The following PPM1L variants were observed in gnomAD, a reference collection of about 807,000 sequenced individuals.
PPM1L encodes protein phosphatase 1L.
Under a neutral mutation model 31.4 loss-of-function variants are expected in PPM1L, and 13 were observed. The ratio of observed to expected loss-of-function variants is 0.41; its 90% CI spans 0.27 to 0.66. The LOEUF is 0.66. Among genes scored for constraint, PPM1L ranks in the 30% least tolerant of loss-of-function variants. The pLI is 0.29. For synonymous variants in PPM1L, 184 were observed against 175.4 expected (o/e 1.05, Z -0.39); for missense variants, 326 against 453.7 (o/e 0.72, Z 2.56).
intron 1 of PPM1L, among the ~76,000 whole-genome samples, chr3:160,822,068 A>G (rs572661983): frequency 6.6e-6 from 1 of 152,182 alleles, no homozygotes; most frequent in Non-Finnish European, 1.5e-5. Flanking sequence ...ATTAAAAAAG[A>G]TTTATAATGT....
chr3:160,971,118 A>C (rs1015652602), intron 2 of PPM1L, among the ~76,000 whole-genome samples: 2 of 152,144 alleles, frequency 1.3e-5, no homozygotes, highest in African/African-American at 4.8e-5. Context: ...ATAGAAAACT[A>C]TTGGCCATAG....
chr3:160,831,302 A>T (rs1004912141), intron 1 of PPM1L, among the ~76,000 whole-genome samples: 4 of 152,202 alleles, frequency 2.6e-5, no homozygotes, highest in Non-Finnish European at 5.9e-5. Context: ...GAAATTAGTG[A>T]TGAGTTGGGA....
intron 1 of PPM1L, among the ~76,000 whole-genome samples, chr3:160,907,166 T>C (rs749299564): frequency 3.9e-5 from 6 of 152,170 alleles, no homozygotes; most frequent in Non-Finnish European, 5.9e-5. Flanking sequence ...CAGAGCTCCC[T>C]GGAACATGGA....
intron 1 of PPM1L, among the ~76,000 whole-genome samples, chr3:160,787,867 A>G (rs1465546313): frequency 2.0e-5 from 3 of 152,080 alleles, no homozygotes; most frequent in Non-Finnish European, 4.4e-5. Flanking sequence ...TGAATAGGAA[A>G]ATTGAATTTT....
In PPM1L at chr3:160,756,930, G is replaced by C. The variant is rs111755322; in HGVS notation, c.399+223G>C. Reference sequence around the variant, plus strand: ...TGGATCCAGACTTCTTGGTGCTGAGGGTCCACTTTAGGGAAAGGAGAGTCA... The same window carrying C: ...TGGATCCAGACTTCTTGGTGCTGAGCGTCCACTTTAGGGAAAGGAGAGTCA... On this transcript the variant is annotated intron_variant, in intron 1 of 3. Coordinates refer to ENST00000498165, the MANE Select transcript of PPM1L (RefSeq NM_139245.4). The surrounding 1 kb of genome is among the most constrained non-coding windows in gnomAD (Gnocchi z 6.2). 0.016 allele frequency among the ~76,000 whole-genome samples: 2,507 copies of C among 152,084 alleles called. 62 individuals are homozygous for C. Among genetic ancestry groups the C allele is most frequent in the African/African-American group, 0.057 (2,361 of 41,468 alleles).
chr3:160,994,891 T>G (rs1717256967), intron 2 of PPM1L, among the ~76,000 whole-genome samples: 2 of 151,830 alleles, frequency 1.3e-5, no homozygotes, highest in South Asian at 4.2e-4. Flanking sequence ...TTGAAGGAAG[T>G]GAAAAAGTGA....
intron 1 of PPM1L, among the ~76,000 whole-genome samples, chr3:160,823,003 A>G (rs1713248230): frequency 6.6e-6 from 1 of 152,116 alleles, no homozygotes; most frequent in Non-Finnish European, 1.5e-5. Flanking sequence ...AGTGAATCTT[A>G]GAAGACAAAG....
chr3:160,964,776 G>A (rs1423766861), intron 2 of PPM1L, among the ~76,000 whole-genome samples: 1 of 151,994 alleles, frequency 6.6e-6, no homozygotes, highest in Non-Finnish European at 1.5e-5. Flanking sequence ...GGATGTGGGA[G>A]GGTAGGCTAT....
chr3:160,996,431 A>G (rs140112966), intron 2 of PPM1L, among the ~76,000 whole-genome samples: 1 of 152,350 alleles, frequency 6.6e-6, no homozygotes, highest in African/African-American at 2.4e-5. Context: ...AAATTGTGGT[A>G]TATATATCAT....
At chr3:160,917,986 G>C (rs559569387) in intron 1 of PPM1L, among the ~76,000 whole-genome samples, 2 of 152,320 alleles carry the variant, frequency 1.3e-5, no homozygotes, top group East Asian at 1.9e-4. Flanking sequence ...ACTTTGTCCT[G>C]TTCCTTGCCC....
intron 1 of PPM1L, among the ~76,000 whole-genome samples, chr3:160,849,578 G>A (rs569488097): frequency 2.0e-5 from 3 of 151,686 alleles, no homozygotes; most frequent in East Asian, 1.9e-4. Flanking sequence ...CCACCACCAC[G>A]CCCGGCTAAT....
intron 2 of PPM1L, among the ~76,000 whole-genome samples, chr3:161,034,696 G>A (rs535560369): frequency 3.3e-5 from 5 of 151,780 alleles, no homozygotes; most frequent in South Asian, 2.1e-4. Flanking sequence ...CTGTCGGGGG[G>A]GTGGAGGACT....
chr3:160,758,714 A>T (rs1714882870), intron 1 of PPM1L, among the ~76,000 whole-genome samples: 1 of 152,230 alleles, frequency 6.6e-6, no homozygotes, highest in South Asian at 2.1e-4. Flanking sequence ...TACCATCCAG[A>T]AAAGGGACAC....
rs557798583 is a variant in PPM1L at position 160,920,900 on chromosome 3, A to G, written c.400-40836A>G. The stretch of plus-strand genomic sequence containing the variant: ...GTATAGTTACTAGAAGGCCTGCATT[A>G]TAAGATGGCCACAATGTGAGACAGC... On this transcript the variant is annotated intron_variant, in intron 1 of 3. Transcript: ENST00000498165. Among the ~76,000 whole-genome samples the G allele has an allele frequency of 2.0e-5, 3 of 152,290 alleles. No homozygotes were observed. The East Asian group carries it at 5.8e-4, about 29-fold the overall frequency.
At chr3:161,035,912 G>A (rs1718727853) in intron 2 of PPM1L, 1 of 152,188 alleles carries the variant, frequency 6.6e-6, no homozygotes, top group East Asian at 1.9e-4. Flanking sequence ...TTTGGTGATT[G>A]TCTCCAGTTA....
intron 2 of PPM1L, among the ~76,000 whole-genome samples, chr3:161,054,884 A>G (rs565548794): frequency 5.6e-4 from 85 of 152,142 alleles, no homozygotes; most frequent in African/African-American, 2.0e-3. Flanking sequence ...CCAATTTCCA[A>G]TTACTTTCTA....
At chr3:160,987,847 G>A (rs1201489626) in intron 2 of PPM1L, among the ~76,000 whole-genome samples, 2 of 152,216 alleles carry the variant, frequency 1.3e-5, no homozygotes, top group Non-Finnish European at 2.9e-5. Flanking sequence ...ATAATAAAAT[G>A]AGTTTTTAAA....
chr3:160,945,726 T>C (rs985740901), intron 1 of PPM1L, among the ~76,000 whole-genome samples: 2 of 152,126 alleles, frequency 1.3e-5, no homozygotes, highest in East Asian at 1.9e-4. Flanking sequence ...ACAGATTTTC[T>C]TCTGCCTCTG....
At chr3:160,902,756 T>G (rs1713589614) in intron 1 of PPM1L, among the ~76,000 whole-genome samples, 1 of 152,186 alleles carries the variant, frequency 6.6e-6, no homozygotes, top group African/African-American at 2.4e-5. Context: ...CATTTTTAGA[T>G]TCAACCATCA....
Sources: gnomAD v4.1 joint callset for allele counts (sites outside exome capture counted in the v4.1 genomes callset) on GRCh38, gnomAD v4.1.1 for gene constraint, Gnocchi (gnomAD v3.1) non-coding constraint, MANE v1.5 for transcripts, NCBI Gene and HGNC (gene_info 2026-07-23, HGNC 2026-07-21) for gene names.